PTN: variants seen among roughly 807,000 people sequenced by gnomAD.
PTN encodes pleiotrophin, also known as heparin affin regulatory protein.
In PTN, 18 loss-of-function variants were observed where a neutral mutation model predicts 24.1. The observed-to-expected ratio is 0.75, with a 90% confidence interval of 0.52 to 1.11. The LOEUF (loss-of-function observed/expected upper bound fraction) is 1.11. Ranked by LOEUF, PTN falls within the 50% of genes least tolerant of loss-of-function variation. PTN has a pLI of 0.00. For synonymous variants in PTN, 78 were observed against 68.6 expected (o/e 1.14, Z -0.67); for missense variants, 163 against 198.8 (o/e 0.82, Z 1.08).
chr7:137,289,647 G>T (rs1418507082), intron 1 of PTN, among the ~76,000 whole-genome samples: 5 of 152,124 alleles, frequency 3.3e-5, no homozygotes, highest in Admixed American at 6.5e-5. Context: ...GAGATGGAGG[G>T]ATCACGTGGC....
At chr7:137,278,865 C>T (rs1389293385) in intron 1 of PTN, among the ~76,000 whole-genome samples, 6 of 151,156 alleles carry the variant, frequency 4.0e-5, no homozygotes, top group Non-Finnish European at 7.4e-5. Context: ...TGCGTGAACC[C>T]GGGAGGCAGA....
At chr7:137,322,371 G>A (rs895069903) in intron 1 of PTN, among the ~76,000 whole-genome samples, 8 of 152,116 alleles carry the variant, frequency 5.3e-5, no homozygotes, top group Non-Finnish European at 8.8e-5. Context: ...TTTTTTAGGA[G>A]TGACATATGA....
rs1810301564 is a variant in PTN at position 137,328,636 on chromosome 7, C to T, written c.-2+14803G>A. 3.3e-5 allele frequency among the ~76,000 whole-genome samples: 5 copies of T among 152,130 alleles called. No individual in the cohort carries two copies. In the South Asian group the frequency reaches 1.0e-3, roughly 32 times the overall value. ...ACAGCAATCCAACAAACAATTTAGTCAGGTGATGGCAGGCTGGAGAAACAG... is the reference window on the plus strand; with the variant it reads ...ACAGCAATCCAACAAACAATTTAGTTAGGTGATGGCAGGCTGGAGAAACAG... On this transcript the variant is annotated intron_variant, in intron 1 of 4. Coordinates refer to ENST00000348225, the MANE Select transcript of PTN (RefSeq NM_002825.7).
At position 137,319,558 on chromosome 7, in the gene PTN, C is replaced by T. The variant is rs1229426292; in HGVS notation, c.-2+23881G>A. Among the ~76,000 whole-genome samples the T allele has an allele frequency of 2.0e-5, 3 of 152,278 alleles. No homozygotes were observed. In the East Asian group the frequency reaches 5.8e-4, roughly 29 times the overall value. On this transcript the variant is annotated intron_variant, in intron 1 of 4. Coordinates refer to ENST00000348225, the MANE Select transcript of PTN (RefSeq NM_002825.7). ...TTTAGCTGGCAGATCGTTTTTTGGC[C>T]ATTCAGCTTCCTCTATAGTCATTGA...
intron 4 of PTN, among the ~76,000 whole-genome samples, chr7:137,247,579 C>A (rs936846479): frequency 7.9e-5 from 12 of 152,044 alleles, no homozygotes; most frequent in Non-Finnish European, 8.8e-5. Flanking sequence ...ATGAATAAGA[C>A]CTACTATTTG....
At chr7:137,304,454 CA>C (rs963450859) in intron 1 of PTN, among the ~76,000 whole-genome samples, 2 of 151,112 alleles carry the variant, frequency 1.3e-5, no homozygotes, top group South Asian at 2.1e-4. Context: ...CCCTCCCCAT[CA>C]AAAAAAGAGA....
At chr7:137,267,026 T>G (rs952856299) in intron 1 of PTN, among the ~76,000 whole-genome samples, 1 of 152,170 alleles carries the variant, frequency 6.6e-6, no homozygotes, top group Non-Finnish European at 1.5e-5. Context: ...CAAAGTGGTA[T>G]TACAGTGTTA....
At chr7:137,237,074 A>G (rs1439146508) in intron 4 of PTN, among the ~76,000 whole-genome samples, 1 of 152,204 alleles carries the variant, frequency 6.6e-6, no homozygotes, top group Non-Finnish European at 1.5e-5. Flanking sequence ...CCTGACTTGC[A>G]TCCCTCCTGA....
intron 1 of PTN, among the ~76,000 whole-genome samples, chr7:137,327,424 A>C (rs139033856): frequency 6.6e-5 from 10 of 152,030 alleles, no homozygotes; most frequent in Non-Finnish European, 1.2e-4. Context: ...TCTGTCTCTG[A>C]GGTCTTGCCT....
chr7:137,290,715 G>A (rs77507776), intron 1 of PTN, among the ~76,000 whole-genome samples: 1,630 of 152,156 alleles, frequency 0.011, 26 homozygotes, highest in African/African-American at 0.037. Context: ...ATTTGGAGGT[G>A]AGCTGGGGTG....
In PTN at chr7:137,339,537, T is replaced by C. The variant is rs144050120; in HGVS notation, c.-2+3902A>G. On this transcript the variant is annotated intron_variant, in intron 1 of 4. Coordinates refer to ENST00000348225, the MANE Select transcript of PTN (RefSeq NM_002825.7). ...GAGGTCAACATTGCAGTGATGAAAA[T>C]GTTGCCTGACCCTTAGGCAGGGTCT... is the stretch of plus-strand genomic sequence containing the variant. 6.4e-5 allele frequency among the ~76,000 whole-genome samples: 9 copies of C among 140,328 alleles called. No individual in the cohort carries two copies. In the East Asian group the frequency reaches 1.1e-3, roughly 16 times the overall value. 92.1% of individuals were successfully genotyped at this position (140,328 alleles called of 152,430 possible).
intron 4 of PTN, among the ~76,000 whole-genome samples, chr7:137,245,312 A>G (rs1261665589): frequency 6.6e-5 from 10 of 152,202 alleles, no homozygotes; most frequent in Admixed American, 6.5e-4. Flanking sequence ...TACGCACCAC[A>G]TAGCAATGTT....
At chr7:137,233,808 G>T (rs1334995054) in intron 4 of PTN, among the ~76,000 whole-genome samples, 2 of 151,356 alleles carry the variant, frequency 1.3e-5, no homozygotes, top group African/African-American at 4.9e-5. Flanking sequence ...TTCTCCTCTT[G>T]GGGTTATTTC....
At chr7:137,314,345 A>T (rs1412586213) in intron 1 of PTN, among the ~76,000 whole-genome samples, 1 of 152,170 alleles carries the variant, frequency 6.6e-6, no homozygotes, top group Non-Finnish European at 1.5e-5. Flanking sequence ...GTACTACAGC[A>T]TATGGCAAAG....
chr7:137,243,872 A>G (rs1244637898), intron 4 of PTN, among the ~76,000 whole-genome samples: 1 of 152,136 alleles, frequency 6.6e-6, no homozygotes, highest in Non-Finnish European at 1.5e-5. Flanking sequence ...GATCAGTGAC[A>G]TGTGGTGTGA....
At chr7:137,317,582 G>C (rs2128880688) in intron 1 of PTN, among the ~76,000 whole-genome samples, 1 of 152,234 alleles carries the variant, frequency 6.6e-6, no homozygotes, top group Non-Finnish European at 1.5e-5. Context: ...CCCAGAAACT[G>C]TAAAATGTTC....
intron 4 of PTN, among the ~76,000 whole-genome samples, chr7:137,235,455 A>G (rs1172576859): frequency 6.6e-6 from 1 of 152,174 alleles, no homozygotes; most frequent in Non-Finnish European, 1.5e-5. Flanking sequence ...TTAAATGAGT[A>G]GCATAAATTA....
intron 4 of PTN, 66 bp downstream of exon 4, chr7:137,251,164 G>A: frequency 2.0e-6 from 3 of 1,530,720 alleles, no homozygotes; most frequent in Non-Finnish European, 2.7e-6. Context: ...TGGAAAATGT[G>A]GGTTTTCCAG....
intron 1 of PTN, among the ~76,000 whole-genome samples, chr7:137,342,740 G>C (rs1041377077): frequency 6.6e-6 from 1 of 152,040 alleles, no homozygotes; most frequent in Non-Finnish European, 1.5e-5. Context: ...AAATTTATGT[G>C]GGTCAAATTA....
Sources: gnomAD v4.1 joint callset for allele counts (sites outside exome capture counted in the v4.1 genomes callset) on GRCh38, gnomAD v4.1.1 for gene constraint, MANE v1.5 for transcripts, NCBI Gene and HGNC (gene_info 2026-07-23, HGNC 2026-07-21) for gene names.